MKLN1: variants seen among roughly 807,000 people sequenced by gnomAD.
MKLN1 encodes muskelin 1.
A neutral mutation model predicts 99.0 loss-of-function variants in MKLN1; 18 were observed. The observed-to-expected ratio is 0.18, with a 90% CI of 0.13 to 0.27. The LOEUF is 0.27. Ranked by LOEUF, MKLN1 falls within the 10% of genes least tolerant of loss-of-function variation. The pLI is 1.00. For missense variants in MKLN1, 621 were observed against 875.9 expected (o/e 0.71, Z 3.67); for synonymous variants, 288 against 293.2 (o/e 0.98, Z 0.18).
At chr7:131,370,974 C>A (rs1249993659) in intron 1 of MKLN1, among the ~76,000 whole-genome samples, 3 of 152,068 alleles carry the variant, frequency 2.0e-5, no homozygotes, top group African/African-American at 7.2e-5. Context: ...TTCCAAACCC[C>A]CTAGGCTAAC....
intron 2 of MKLN1, among the ~76,000 whole-genome samples, chr7:131,143,959 A>G (rs911367826): frequency 6.6e-6 from 1 of 152,226 alleles, no homozygotes; most frequent in Non-Finnish European, 1.5e-5. Context: ...TTTTAGCCAT[A>G]CTGCCTATCG....
chr7:131,298,173 A>C (rs1798322919), intron 3 of MKLN1, among the ~76,000 whole-genome samples: 1 of 152,096 alleles, frequency 6.6e-6, no homozygotes, highest in Admixed American at 6.6e-5. Flanking sequence ...CGGGAGGCTG[A>C]GGCAGAAGAA....
At chr7:131,128,400 A>T (rs931720019) in intron 1 of MKLN1, among the ~76,000 whole-genome samples, 5 of 152,122 alleles carry the variant, frequency 3.3e-5, no homozygotes, top group Non-Finnish European at 2.9e-5. Flanking sequence ...GCAAAAAAGC[A>T]ATGGTTTATG....
At chr7:131,449,772 G>A (rs1036688687) in intron 12 of MKLN1, among the ~76,000 whole-genome samples, 5 of 151,380 alleles carry the variant, frequency 3.3e-5, no homozygotes, top group African/African-American at 7.3e-5. Context: ...TCTAATATGC[G>A]GCTGGGATTG....
chr7:131,444,760 A>AGTAGT (rs1563351975), intron 11 of MKLN1, among the ~76,000 whole-genome samples: 574 of 56,056 alleles, frequency 0.01, 2 homozygotes, highest in Middle Eastern at 0.018. Context: ...GTAGTAGTAG[A>AGTAGT]AGAAGTAGTA....
At chr7:131,375,565 A>G in intron 2 of MKLN1, 72 bp downstream of exon 2, 1 of 870,184 alleles carries the variant, frequency 1.1e-6, no homozygotes, top group Non-Finnish European at 1.9e-6. Flanking sequence ...GATACTAGTT[A>G]TCTGGAATCT....
intron 3 of MKLN1, among the ~76,000 whole-genome samples, chr7:131,240,468 T>C (rs911104102): frequency 2.0e-5 from 3 of 151,398 alleles, no homozygotes; most frequent in Non-Finnish European, 4.4e-5. Context: ...CGTTTAAAAA[T>C]TTTTTCTCCT....
intron 9 of MKLN1, among the ~76,000 whole-genome samples, chr7:131,431,921 CT>C (rs1247303455): frequency 1.3e-5 from 2 of 152,168 alleles, no homozygotes; most frequent in East Asian, 3.8e-4. Flanking sequence ...GGCTCTCCCC[CT>C]AACTTTACCT....
At chr7:131,253,277 G>T (rs77299899) in intron 3 of MKLN1, among the ~76,000 whole-genome samples, 2,717 of 152,222 alleles carry the variant, frequency 0.018, 88 homozygotes, top group African/African-American at 0.062. Context: ...ATCTGAGGGG[G>T]TGTTGGAAAA....
chr7:131,186,142 A>C (rs1796447409), intron 2 of MKLN1, among the ~76,000 whole-genome samples: 1 of 151,992 alleles, frequency 6.6e-6, no homozygotes, highest in African/African-American at 2.4e-5. Flanking sequence ...AATGAGCCGA[A>C]ATCATGTCAT....
At chr7:131,353,413 G>A (rs1295065980) in intron 1 of MKLN1, among the ~76,000 whole-genome samples, 1 of 151,946 alleles carries the variant, frequency 6.6e-6, no homozygotes, top group African/African-American at 2.4e-5. Context: ...ATGTATTCAT[G>A]TCTTACCTAT....
At chr7:131,195,195 C>T (rs925058372) in intron 2 of MKLN1, among the ~76,000 whole-genome samples, 6 of 152,120 alleles carry the variant, frequency 3.9e-5, no homozygotes, top group Admixed American at 2.6e-4. Context: ...AGAGGAGACG[C>T]GTTAAAGAAG....
chr7:131,470,860 A>C lies in MKLN1; in HGVS notation c.1947A>C (p.Gln649His). The C allele has an allele frequency of 1.2e-6, 2 of 1,611,546 alleles. No individual in the cohort carries two copies. Among genetic ancestry groups the C allele is most frequent in the East Asian group, 4.5e-5 (2 of 44,818 alleles). The change falls in exon 16 of 18, where the codon CAA (glutamine) becomes CAC (histidine). Residue 649 changes from glutamine to histidine, a missense_variant. This residue lies in a region of MKLN1 where 126 missense variants were observed against 157.4 expected (regional missense o/e 0.80). Coordinates refer to ENST00000352689, the MANE Select transcript of MKLN1 (RefSeq NM_013255.5). Reference sequence around the variant, plus strand: ...TTTCTAGGTTTGAAGAAAAGGCCCAAGTGGATCCCCTTAGTGCTCTGAAAT... The same window carrying C: ...TTTCTAGGTTTGAAGAAAAGGCCCACGTGGATCCCCTTAGTGCTCTGAAAT... The part of the protein sequence containing the change: ...IRKHRFEEKA[Q>H]VDPLSALKYL...
At chr7:131,452,845 G>A (rs1412428760) in intron 12 of MKLN1, among the ~76,000 whole-genome samples, 3 of 152,076 alleles carry the variant, frequency 2.0e-5, no homozygotes, top group Admixed American at 6.5e-5. Context: ...CACTGCACCC[G>A]GCCGATCCTT....
At chr7:131,140,318 C>G (rs1795711950) in intron 1 of MKLN1, among the ~76,000 whole-genome samples, 1 of 152,172 alleles carries the variant, frequency 6.6e-6, no homozygotes, top group Non-Finnish European at 1.5e-5. Flanking sequence ...CCTTCTCGCT[C>G]TTTTTTTCAG....
chr7:131,331,712 T>C (rs1381999966), intron 1 of MKLN1, among the ~76,000 whole-genome samples: 1 of 152,218 alleles, frequency 6.6e-6, no homozygotes, highest in Non-Finnish European at 1.5e-5. Context: ...TTCATTATTA[T>C]ACATGGCTAT....
intron 3 of MKLN1, among the ~76,000 whole-genome samples, chr7:131,221,674 ATT>A (rs1162923537): frequency 3.3e-4 from 43 of 128,848 alleles, no homozygotes; most frequent in East Asian, 9.1e-4. Flanking sequence ...CACCCGGCTA[ATT>A]TTTTTTTTTT....
At chr7:131,124,623 C>A (rs903317547) in intron 1 of MKLN1, among the ~76,000 whole-genome samples, 7 of 152,272 alleles carry the variant, frequency 4.6e-5, no homozygotes, top group Non-Finnish European at 1.0e-4. Flanking sequence ...TCCTATTGTG[C>A]CTCCCCACCC....
chr7:131,114,995 G>A (rs1460329848), intron 1 of MKLN1, among the ~76,000 whole-genome samples: 2 of 152,086 alleles, frequency 1.3e-5, no homozygotes, highest in Non-Finnish European at 2.9e-5. Context: ...GATTTAGTAA[G>A]GAGGTCATTG....
Sources: gnomAD v4.1 joint callset for allele counts (sites outside exome capture counted in the v4.1 genomes callset) on GRCh38, gnomAD v4.1.1 for gene constraint, gnomAD v4.1.1 regional missense constraint, MANE v1.5 for transcripts, NCBI Gene and HGNC (gene_info 2026-07-23, HGNC 2026-07-21) for gene names.